IGSF11: variants seen among roughly 807,000 people sequenced by gnomAD.
The protein encoded by IGSF11 is immunoglobulin superfamily member 11.
A neutral mutation model predicts 41.0 loss-of-function variants in IGSF11; 22 were observed. The observed-to-expected ratio is 0.54, with a 90% CI of 0.38 to 0.77. IGSF11 has a LOEUF of 0.77. IGSF11 is among the 30% of genes least tolerant of loss of function. The probability of loss-of-function intolerance (pLI) is 0.00; values close to 1 mark genes in which losing one functional copy is unlikely to be tolerated. For synonymous variants in IGSF11, 219 were observed against 201.3 expected, an observed-to-expected ratio of 1.09 and a Z score of -0.74; for missense variants, 444 against 530.8, an observed-to-expected ratio of 0.84 and a Z score of 1.61.
At chr3:118,964,613 C>T (rs1020639745) in intron 1 of IGSF11, among the ~76,000 whole-genome samples, 7 of 151,964 alleles carry the variant, frequency 4.6e-5, no homozygotes, top group Admixed American at 1.3e-4. Flanking sequence ...AGACTCTGAG[C>T]GTATGGAGTA....
At chr3:119,042,237 G>A (rs1004055388) in intron 1 of IGSF11, among the ~76,000 whole-genome samples, 7 of 152,206 alleles carry the variant, frequency 4.6e-5, no homozygotes, top group Admixed American at 2.6e-4. Flanking sequence ...GGAAGAGAAG[G>A]CAGCCAGCAG....
chr3:119,104,263 A>G (rs1418147134), intron 1 of IGSF11, among the ~76,000 whole-genome samples: 1 of 152,152 alleles, frequency 6.6e-6, no homozygotes, highest in Admixed American at 6.5e-5. Flanking sequence ...AAACATCTCT[A>G]TATGTCCCCT....
chr3:119,004,198 G>T (rs1001495719), intron 1 of IGSF11, among the ~76,000 whole-genome samples: 3 of 149,860 alleles, frequency 2.0e-5, no homozygotes, highest in Admixed American at 6.6e-5. Flanking sequence ...TTGGGAGAGT[G>T]TATGTGTCGA....
intron 3 of IGSF11, among the ~76,000 whole-genome samples, chr3:118,927,695 G>A (rs1019286524): frequency 3.3e-5 from 5 of 152,164 alleles, no homozygotes; most frequent in African/African-American, 1.2e-4. Flanking sequence ...TAGGATGGAG[G>A]AGAATCAAGA....
chr3:118,909,805 T>G (rs889802600), intron 4 of IGSF11, among the ~76,000 whole-genome samples: 7 of 152,242 alleles, frequency 4.6e-5, no homozygotes, highest in Non-Finnish European at 8.8e-5. Flanking sequence ...TGATGTCATG[T>G]TAGTATACTG....
intron 1 of IGSF11, among the ~76,000 whole-genome samples, chr3:119,004,737 G>A (rs1248548495): frequency 6.7e-6 from 1 of 148,310 alleles, no homozygotes; most frequent in Non-Finnish European, 1.5e-5. Context: ...AGTCATTCAG[G>A]AGCAGGTTGT....
chr3:118,974,125 A>G (rs1317686544), intron 1 of IGSF11, among the ~76,000 whole-genome samples: 10 of 152,174 alleles, frequency 6.6e-5, no homozygotes, highest in African/African-American at 1.7e-4. Flanking sequence ...AATTAAAAAA[A>G]AAAAGAAAAG....
At chr3:119,127,619 G>C (rs1299196754) in intron 1 of IGSF11, among the ~76,000 whole-genome samples, 1 of 152,044 alleles carries the variant, frequency 6.6e-6, no homozygotes, top group Non-Finnish European at 1.5e-5. Context: ...CTCCAAAGTC[G>C]AAATGAAGGA....
chr3:118,908,908 GAGT>G (rs1365964964), intron 4 of IGSF11, among the ~76,000 whole-genome samples: 1 of 152,162 alleles, frequency 6.6e-6, no homozygotes, highest in Non-Finnish European at 1.5e-5. Flanking sequence ...ATATGGTCTT[GAGT>G]GTGTTCCCTG....
rs182906835 is a variant in IGSF11, at chr3:119,031,835, T to C, written c.52+2696A>G. Among the ~76,000 whole-genome samples, 776 of 152,360 alleles carry C rather than the reference T, an allele frequency of 5.1e-3. 15 individuals are homozygous for C. The highest frequency in any genetic ancestry group is 3.2e-3 in the Non-Finnish European group (215 of 68,032). The stretch of plus-strand genomic sequence containing the variant: ...TAAATTGGATTTTACAATAAATTTT[T>C]AATAATGGTAACACTGAAAAGGTTC... On this transcript the variant is annotated intron_variant, in intron 1 of 6. Coordinates refer to ENST00000393775, the MANE Select transcript of IGSF11 (RefSeq NM_001015887.3).
rs1187572487 is a variant in IGSF11, at chr3:119,049,252, T to C, written c.49+55892A>G. Reference sequence around the variant, plus strand: ...ATGATTGTATATCTAGAAAACCCCATTGTCTCAGCCCAAAATCTCCTTAAG... The same window carrying C: ...ATGATTGTATATCTAGAAAACCCCACTGTCTCAGCCCAAAATCTCCTTAAG... On this transcript the variant is annotated intron_variant, in intron 1 of 6. Coordinates refer to the IGSF11 transcript ENST00000354673. 2.9e-3 allele frequency among the ~76,000 whole-genome samples: 434 copies of C among 151,238 alleles called. 1 individual carries two copies. The highest frequency in any genetic ancestry group is 0.01 in the African/African-American group (419 of 41,352).
intron 1 of IGSF11, among the ~76,000 whole-genome samples, chr3:118,965,533 TAA>T (rs34598990): frequency 2.1e-5 from 3 of 144,034 alleles, no homozygotes; most frequent in Non-Finnish European, 1.5e-5. Context: ...CAGATAGAGG[TAA>T]AAAAAAAAAA....
chr3:119,051,331 T>C (rs939490272), intron 1 of IGSF11, among the ~76,000 whole-genome samples: 1 of 151,978 alleles, frequency 6.6e-6, no homozygotes, highest in South Asian at 2.1e-4. Context: ...TGTTCTTATT[T>C]ATATCAGACA....
Position 118,976,527 on chromosome 3 carries a change from T to C in IGSF11, c.53-46252A>G, listed in dbSNP as rs546622708. Among the ~76,000 whole-genome samples the C allele has an allele frequency of 2.6e-5, 4 of 152,314 alleles. No individual in the cohort carries two copies. In the East Asian group the frequency reaches 5.8e-4, roughly 22 times the overall value. ...GGAATCTACCACTGCTGCCATGATC[T>C]GGGGTTCCAAGGAAGTTTCCATGCT... On this transcript the variant is annotated intron_variant, in intron 1 of 6. Coordinates refer to ENST00000393775, the MANE Select transcript of IGSF11 (RefSeq NM_001015887.3).
intron 1 of IGSF11, among the ~76,000 whole-genome samples, chr3:119,030,388 G>A (rs1002577140): frequency 1.3e-5 from 2 of 152,034 alleles, no homozygotes; most frequent in Non-Finnish European, 2.9e-5. Context: ...TAGATCATTG[G>A]CTGAGTCTAT....
At chr3:119,010,408 G>C (rs1013324690) in intron 1 of IGSF11, among the ~76,000 whole-genome samples, 3 of 152,242 alleles carry the variant, frequency 2.0e-5, no homozygotes, top group Non-Finnish European at 1.5e-5. Context: ...GGGATATCCG[G>C]AAAGTGGGTA....
At chr3:119,047,901 C>A (rs371366062) in intron 1 of IGSF11, among the ~76,000 whole-genome samples, 18 of 152,096 alleles carry the variant, frequency 1.2e-4, no homozygotes, top group African/African-American at 4.1e-4. Context: ...ATGACTACTG[C>A]GTACATAACG....
intron 1 of IGSF11, among the ~76,000 whole-genome samples, chr3:119,080,480 C>T (rs2076569723): frequency 6.6e-6 from 1 of 152,182 alleles, no homozygotes; most frequent in Non-Finnish European, 1.5e-5. Context: ...GACAGATTTT[C>T]TTCTCTTATT....
At chr3:119,000,441 T>C (rs1053791744) in intron 1 of IGSF11, among the ~76,000 whole-genome samples, 3 of 151,690 alleles carry the variant, frequency 2.0e-5, no homozygotes, top group Admixed American at 2.0e-4. Context: ...CTCTGGGACT[T>C]CTGCAAAGTC....
Sources: allele counts gnomAD v4.1 joint callset (sites outside exome capture counted in the v4.1 genomes callset), GRCh38; gene constraint gnomAD v4.1.1; transcripts MANE v1.5; gene names NCBI Gene and HGNC (gene_info 2026-07-23, HGNC 2026-07-21).